ADRB1: variants seen among roughly 807,000 people sequenced by gnomAD.
The protein encoded by ADRB1 is adrenoceptor beta 1, also known as beta-1 adrenergic receptor.
For synonymous variants in ADRB1, 365 were observed against 347.2 expected (o/e 1.05, Z -0.57); for missense variants, 635 against 709.1 (o/e 0.90, Z 1.19).
At position 114,045,066 on chromosome 10, in the gene ADRB1, T is replaced by A; in HGVS notation, c.934T>A (p.Ser312Thr). Residue 312 changes from serine (S) to threonine (T), a missense_variant, in exon 1 of 1, where the codon TCG becomes ACG. Coordinates refer to ENST00000369295, the MANE Select transcript of ADRB1 (RefSeq NM_000684.3). ...CGGGCGTGCGGGTAAGCGGCGGCCC[T>A]CGCGCCTCGTGGCCCTGCGCGAGCA... is the stretch of plus-strand genomic sequence containing the variant. Reference protein sequence around the residue: ...ANGRAGKRRPSRLVALREQKA... With the variant: ...ANGRAGKRRPTRLVALREQKA... 1 of 1,414,462 alleles carries A rather than the reference T, an allele frequency of 7.1e-7. No individual in the cohort carries two copies. The allele number at this position is 1,414,462 out of a possible 1,614,324, so 87.6% of individuals were successfully genotyped here.
Position 114,044,347 on chromosome 10 carries a change from T to A in ADRB1, c.215T>A (p.Ile72Asn). 1 of 1,605,624 alleles carries A rather than the reference T, an allele frequency of 6.2e-7. No homozygotes were observed. The highest frequency in any genetic ancestry group is 1.1e-5 in the South Asian group (1 of 90,778). Residue 72 changes from isoleucine (I) to asparagine (N), a missense_variant, in exon 1 of 1, where the codon ATC becomes AAC. Transcript: ENST00000369295. The surrounding 1 kb of genome is among the most constrained non-coding windows in gnomAD (Gnocchi z 7.8). ...GLLMALIVLL[I>N]VAGNVLVIVA... ...CTGATGGCGCTCATCGTGCTGCTCA[T>A]CGTGGCGGGCAATGTGCTGGTGATC...
Position 114,045,474 on chromosome 10 carries a change from T to G in ADRB1, c.1342T>G (p.Trp448Gly). The change falls in exon 1 of 1, where the codon TGG (tryptophan) becomes GGG (glycine). Residue 448 changes from tryptophan to glycine, a missense_variant. Transcript: ENST00000369295. ...ATPPARLLEP[W>G]AGCNGGAAAD... The stretch of plus-strand genomic sequence containing the variant: ...GCCGCCCGCGCGCCTGCTGGAGCCC[T>G]GGGCCGGCTGCAACGGCGGGGCGGC... 1 of 1,280,744 alleles carries G rather than the reference T, an allele frequency of 7.8e-7. No homozygotes were observed. Among genetic ancestry groups the G allele is most frequent in the Non-Finnish European group, 9.9e-7 (1 of 1,012,432 alleles). 79.3% of individuals were successfully genotyped at this position (1,280,744 alleles called of 1,614,324 possible). A position where few individuals can be genotyped will look rare whatever the true frequency, so the allele number is the denominator to read the frequency against.
Position 114,044,408 on chromosome 10 carries a change from C to T in ADRB1, c.276C>T (p.Leu92=). 1.2e-6 allele frequency: 2 copies of T among 1,611,812 alleles called. No individual in the cohort carries two copies. Among genetic ancestry groups the T allele is most frequent in the Non-Finnish European group, 1.7e-6 (2 of 1,179,934 alleles). ...CCAAGACGCCGCGGCTGCAGACGCT[C>T]ACCAACCTCTTCATCATGTCCCTGG... ...AIAKTPRLQT[L]TNLFIMSLAS... The change falls in exon 1 of 1, where the codon CTC becomes CTT. Residue 92 remains leucine (L), a synonymous_variant. Transcript: ENST00000369295. This position sits in a 1 kb window ranked among gnomAD's most constrained non-coding sequence, Gnocchi z 7.8.
chr10:114,043,913 CCAG>C lies in ADRB1; in HGVS notation c.-212_-210del. ...GGCTCTTCCAGCAGCGGCAGCGGCT[CCAG>C]CAGCAGCGGCGGCGGCGGCGGCGGC... On this transcript the variant is annotated 5_prime_UTR_variant, in exon 1 of 1. Coordinates refer to ENST00000369295, the MANE Select transcript of ADRB1 (RefSeq NM_000684.3). 2 of 228,568 alleles carry C rather than the reference CCAG, an allele frequency of 8.8e-6. No individual in the cohort carries two copies. The highest frequency in any genetic ancestry group is 1.6e-5 in the Non-Finnish European group (2 of 124,988). 14.2% of individuals were successfully genotyped at this position (228,568 alleles called of 1,614,324 possible).
rs1182409763 is a variant in ADRB1 at position 114,044,095 on chromosome 10, C to T, written c.-38C>T. On this transcript the variant is annotated 5_prime_UTR_variant, in exon 1 of 1. Transcript: ENST00000369295. This position sits in a 1 kb window ranked among gnomAD's most constrained non-coding sequence, Gnocchi z 7.8. The stretch of plus-strand genomic sequence containing the variant: ...GGGTGTTCCCCAACCACGGCCCAGC[C>T]CTGCCACACCCCCCGCCCCCGGCCT... The T allele has an allele frequency of 3.1e-5, 39 of 1,244,208 alleles. No homozygotes were observed. Among genetic ancestry groups the T allele is most frequent in the Admixed American group, 4.4e-5 (1 of 22,778 alleles). 77.1% of individuals were successfully genotyped at this position (1,244,208 alleles called of 1,614,324 possible).
Position 114,044,990 on chromosome 10 carries a change from G to A in ADRB1, c.858G>A (p.Pro286=). 1.8e-6 allele frequency: 2 copies of A among 1,094,122 alleles called. 1 individual carries two copies. The highest frequency in any genetic ancestry group is 2.2e-6 in the Non-Finnish European group (2 of 899,032). The allele number at this position is 1,094,122 out of a possible 1,614,324, so 67.8% of individuals were successfully genotyped here. The change falls in exon 1 of 1, where the codon CCG becomes CCA. Residue 286 remains proline (P), a synonymous_variant. Coordinates refer to ENST00000369295, the MANE Select transcript of ADRB1 (RefSeq NM_000684.3). This position sits in a 1 kb window ranked among gnomAD's most constrained non-coding sequence, Gnocchi z 7.8. Reference sequence around the variant, plus strand: ...CGCCCGTCCCCGCGCCCGCGCCGCCGCCCGGACCCCCGCGCCCCGCCGCCG... The same window carrying A: ...CGCCCGTCCCCGCGCCCGCGCCGCCACCCGGACCCCCGCGCCCCGCCGCCG... ...SPSPVPAPAP[P]PGPPRPAAAA...
chr10:114,044,954 G>T lies in ADRB1; in HGVS notation c.822G>T (p.Ser274=), dbSNP rs376897657. 9.9e-5 allele frequency: 126 copies of T among 1,268,770 alleles called. No homozygotes were observed. Among genetic ancestry groups the T allele is most frequent in the Non-Finnish European group, 1.2e-4 (119 of 1,001,346 alleles). The allele number at this position is 1,268,770 out of a possible 1,614,324, so 78.6% of individuals were successfully genotyped here. ...RFLGGPARPP[S]PSPSPVPAPA... ...TCGGCGGCCCAGCGCGGCCGCCCTC[G>T]CCCTCGCCCTCGCCCGTCCCCGCGC... Residue 274 remains serine, a synonymous_variant, in exon 1 of 1, where the codon TCG becomes TCT. Coordinates refer to ENST00000369295, the MANE Select transcript of ADRB1 (RefSeq NM_000684.3). The surrounding 1 kb of genome is among the most constrained non-coding windows in gnomAD (Gnocchi z 7.8).
Position 114,044,645 on chromosome 10 carries a change from G to C in ADRB1, c.513G>C (p.Thr171=), listed in dbSNP as rs1390049186. 6.2e-7 allele frequency: 1 copy of C among 1,612,634 alleles called. No individual in the cohort carries two copies. The change falls in exon 1 of 1, where the codon ACG becomes ACC. Residue 171 remains threonine, a synonymous_variant. Coordinates refer to ENST00000369295, the MANE Select transcript of ADRB1 (RefSeq NM_000684.3). The surrounding 1 kb of genome is among the most constrained non-coding windows in gnomAD (Gnocchi z 7.8). ...TSPFRYQSLL[T]RARARGLVCT... is the part of the protein sequence containing the mutation. ...CCTTCCGCTACCAGAGCCTGCTGAC[G>C]CGCGCGCGGGCGCGGGGCCTCGTGT...
In ADRB1 at chr10:114,044,267, C is replaced by A; in HGVS notation, c.135C>A (p.Pro45=). The A allele has an allele frequency of 6.6e-7, 1 of 1,526,184 alleles. No homozygotes were observed. Among genetic ancestry groups the A allele is most frequent in the Non-Finnish European group, 8.7e-7 (1 of 1,147,698 alleles). 94.5% of individuals were successfully genotyped at this position (1,526,184 alleles called of 1,614,324 possible). The part of the protein sequence containing the change: ...PASPPASLLP[P]ASESPEPLSQ... ...CGCCGCCCGCCTCGTTGCTGCCTCC[C>A]GCCAGCGAAAGCCCCGAGCCGCTGT... Residue 45 remains proline, a synonymous_variant, in exon 1 of 1, where the codon CCC becomes CCA. Transcript: ENST00000369295. This position sits in a 1 kb window ranked among gnomAD's most constrained non-coding sequence, Gnocchi z 7.8.
chr10:114,044,656 C>G lies in ADRB1; in HGVS notation c.524C>G (p.Ala175Gly), dbSNP rs138952486. Reference sequence around the variant, plus strand: ...CAGAGCCTGCTGACGCGCGCGCGGGCGCGGGGCCTCGTGTGCACCGTGTGG... The same window carrying G: ...CAGAGCCTGCTGACGCGCGCGCGGGGGCGGGGCCTCGTGTGCACCGTGTGG... ...RYQSLLTRARARGLVCTVWAI... is the reference protein window; with the variant it reads ...RYQSLLTRARGRGLVCTVWAI... Residue 175 changes from alanine to glycine, a missense_variant, in exon 1 of 1, where the codon GCG becomes GGG. Ala to Gly is a moderately conservative substitution (Grantham distance 60). Transcript: ENST00000369295. This position sits in a 1 kb window ranked among gnomAD's most constrained non-coding sequence, Gnocchi z 7.8. The G allele has an allele frequency of 3.7e-6, 6 of 1,612,568 alleles. No homozygotes were observed. Among genetic ancestry groups the G allele is most frequent in the Non-Finnish European group, 5.1e-6 (6 of 1,179,872 alleles).
Position 114,044,087 on chromosome 10 carries a change from G to A in ADRB1, c.-46G>A. The A allele has an allele frequency of 8.2e-7, 1 of 1,224,482 alleles. No homozygotes were observed. The highest frequency in any genetic ancestry group is 1.0e-6 in the Non-Finnish European group (1 of 985,250). The allele number at this position is 1,224,482 out of a possible 1,614,324, so 75.9% of individuals were successfully genotyped here. ...GGCTTCTGGGGTGTTCCCCAACCACGGCCCAGCCCTGCCACACCCCCCGCC... is the reference window on the plus strand; with the variant it reads ...GGCTTCTGGGGTGTTCCCCAACCACAGCCCAGCCCTGCCACACCCCCCGCC... On this transcript the variant is annotated 5_prime_UTR_variant, in exon 1 of 1. Coordinates refer to ENST00000369295, the MANE Select transcript of ADRB1 (RefSeq NM_000684.3). The surrounding 1 kb of genome is among the most constrained non-coding windows in gnomAD (Gnocchi z 7.8).
chr10:114,045,411 G>A lies in ADRB1; in HGVS notation c.1279G>A (p.Ala427Thr), dbSNP rs1382439032. 2 of 1,238,448 alleles carry A rather than the reference G, an allele frequency of 1.6e-6. No homozygotes were observed. Among genetic ancestry groups the A allele is most frequent in the East Asian group, 3.3e-5 (1 of 30,474 alleles). The allele number at this position is 1,238,448 out of a possible 1,614,324, so 76.7% of individuals were successfully genotyped here. Residue 427 changes from alanine to threonine, a missense_variant, in exon 1 of 1, where the codon GCC becomes ACC. Physicochemically the swap from Ala to Thr is moderately conservative, Grantham distance 58. Transcript: ENST00000369295. ...CGGACCCCCGCCATCGCCCGGGGCC[G>A]CCTCGGACGACGACGACGACGATGT... ...RPGPPPSPGA[A>T]SDDDDDDVVG...
chr10:114,044,946 C>T lies in ADRB1; in HGVS notation c.814C>T (p.Pro272Ser). The change falls in exon 1 of 1, where the codon CCG becomes TCG. Residue 272 changes from proline to serine, a missense_variant. By Grantham distance (74) the Pro-to-Ser change is moderately conservative. Transcript: ENST00000369295. This position sits in a 1 kb window ranked among gnomAD's most constrained non-coding sequence, Gnocchi z 7.8. Reference sequence around the variant, plus strand: ...CCGTTTCCTCGGCGGCCCAGCGCGGCCGCCCTCGCCCTCGCCCTCGCCCGT... The same window carrying T: ...CCGTTTCCTCGGCGGCCCAGCGCGGTCGCCCTCGCCCTCGCCCTCGCCCGT... ...ERRFLGGPAR[P>S]PSPSPSPVPA... 4 of 1,495,972 alleles carry T rather than the reference C, an allele frequency of 2.7e-6. No individual in the cohort carries two copies. Among genetic ancestry groups the T allele is most frequent in the South Asian group, 1.3e-5 (1 of 75,092 alleles). 92.7% of individuals were successfully genotyped at this position (1,495,972 alleles called of 1,614,324 possible). A position where few individuals can be genotyped will look rare whatever the true frequency, so the allele number is the denominator to read the frequency against.
At position 114,044,041 on chromosome 10, in the gene ADRB1, C is replaced by T. The variant is rs556229079; in HGVS notation, c.-92C>T. The stretch of plus-strand genomic sequence containing the variant: ...CTGCCCTGACCCGGCCGCGACCTCC[C>T]TCTGCGCACCACGCCGCCCGGGCTT... On this transcript the variant is annotated 5_prime_UTR_variant, in exon 1 of 1. Transcript: ENST00000369295. This position sits in a 1 kb window ranked among gnomAD's most constrained non-coding sequence, Gnocchi z 7.8. 7.4e-4 allele frequency: 800 copies of T among 1,081,402 alleles called. 6 individuals are homozygous for T. The African/African-American group carries it at 0.012, about 16-fold the overall frequency. 67.0% of individuals were successfully genotyped at this position (1,081,402 alleles called of 1,614,324 possible). A position where few individuals can be genotyped will look rare whatever the true frequency, so the allele number is the denominator to read the frequency against.
Position 114,044,068 on chromosome 10 carries a change from T to A in ADRB1, c.-65T>A, listed in dbSNP as rs1282815092. ...CTGCGCACCACGCCGCCCGGGCTTC[T>A]GGGGTGTTCCCCAACCACGGCCCAG... On this transcript the variant is annotated 5_prime_UTR_variant, in exon 1 of 1. Transcript: ENST00000369295. This position sits in a 1 kb window ranked among gnomAD's most constrained non-coding sequence, Gnocchi z 7.8. 5 of 1,199,822 alleles carry A rather than the reference T, an allele frequency of 4.2e-6. No homozygotes were observed. Among genetic ancestry groups the A allele is most frequent in the Admixed American group, 4.5e-5 (1 of 22,440 alleles). 74.3% of individuals were successfully genotyped at this position (1,199,822 alleles called of 1,614,324 possible).
rs1268070036 is a variant in ADRB1, at chr10:114,045,098, G to C, written c.966G>C (p.Ala322=). The stretch of plus-strand genomic sequence containing the variant: ...TCGTGGCCCTGCGCGAGCAGAAGGC[G>C]CTCAAGACGCTGGGCATCATCATGG... ...SRLVALREQK[A]LKTLGIIMGV... is the part of the protein sequence containing the mutation. Residue 322 remains alanine (A), a synonymous_variant, in exon 1 of 1, where the codon GCG becomes GCC. Transcript: ENST00000369295. The C allele has an allele frequency of 6.6e-7, 1 of 1,524,944 alleles. No individual in the cohort carries two copies. Among genetic ancestry groups the C allele is most frequent in the Admixed American group, 1.9e-5 (1 of 51,282 alleles). 94.5% of individuals were successfully genotyped at this position (1,524,944 alleles called of 1,614,324 possible).
chr10:114,044,156 G>C lies in ADRB1; in HGVS notation c.24G>C (p.Leu8=). MGAGVLV[L]GASEPGNLSS... is the part of the protein sequence containing the mutation. ...GCATGGGCGCGGGGGTGCTCGTCCT[G>C]GGCGCCTCCGAGCCCGGTAACCTGT... The change falls in exon 1 of 1, where the codon CTG becomes CTC. Residue 8 remains leucine (L), a synonymous_variant. Transcript: ENST00000369295. The surrounding 1 kb of genome is among the most constrained non-coding windows in gnomAD (Gnocchi z 7.8). 1 of 1,337,604 alleles carries C rather than the reference G, an allele frequency of 7.5e-7. No homozygotes were observed. The highest frequency in any genetic ancestry group is 1.6e-5 in the African/African-American group (1 of 64,462). The allele number at this position is 1,337,604 out of a possible 1,614,324, so 82.9% of individuals were successfully genotyped here. A position where few individuals can be genotyped will look rare whatever the true frequency, so the allele number is the denominator to read the frequency against.
chr10:114,045,432 G>A lies in ADRB1; in HGVS notation c.1300G>A (p.Asp434Asn), dbSNP rs1847548977. 2 of 1,243,654 alleles carry A rather than the reference G, an allele frequency of 1.6e-6. No homozygotes were observed. Among genetic ancestry groups the A allele is most frequent in the Admixed American group, 4.3e-5 (1 of 23,280 alleles). 77.0% of individuals were successfully genotyped at this position (1,243,654 alleles called of 1,614,324 possible). ...PGAASDDDDD[D>N]VVGATPPARL... ...GGCCGCCTCGGACGACGACGACGAC[G>A]ATGTCGTCGGGGCCACGCCGCCCGC... The change falls in exon 1 of 1, where the codon GAT becomes AAT. Residue 434 changes from aspartate to asparagine, a missense_variant. Coordinates refer to ENST00000369295, the MANE Select transcript of ADRB1 (RefSeq NM_000684.3).
Position 114,046,398 on chromosome 10 carries a change from T to C in ADRB1, c.*832T>C, listed in dbSNP as rs1422325493. ...TCTCTGTGACATGTGACTCTGTCAA[T>C]TGAAGACAGGACATTAAAAGAGAGC... On this transcript the variant is annotated 3_prime_UTR_variant, in exon 1 of 1. Coordinates refer to ENST00000369295, the MANE Select transcript of ADRB1 (RefSeq NM_000684.3). The C allele has an allele frequency of 1.2e-5, 2 of 167,088 alleles. No homozygotes were observed. Among genetic ancestry groups the C allele is most frequent in the East Asian group, 1.9e-4 (1 of 5,198 alleles). 10.4% of individuals were successfully genotyped at this position (167,088 alleles called of 1,614,324 possible).
Sources: allele counts gnomAD v4.1 joint callset, GRCh38; gene constraint gnomAD v4.1.1; non-coding constraint Gnocchi (gnomAD v3.1); transcripts MANE v1.5; gene names NCBI Gene and HGNC (gene_info 2026-07-23, HGNC 2026-07-21).